The following MYO7B variants were observed in gnomAD, a reference collection of about 807,000 sequenced individuals.
The protein encoded by MYO7B is myosin VIIB.
In MYO7B, 212 loss-of-function variants were observed where a neutral mutation model predicts 259.7. That is an observed-to-expected ratio of 0.82 (90% CI 0.73 to 0.91). MYO7B has a LOEUF of 0.91. Ranked by LOEUF, MYO7B falls within the 40% of genes least tolerant of loss-of-function variation. The pLI, the probability that MYO7B is intolerant of heterozygous loss-of-function variation, is 0.00. For synonymous variants in MYO7B, 1,197 were observed against 1,166.4 expected, an observed-to-expected ratio of 1.03 and a Z score of -0.54; for missense variants, 2,732 against 2,813.5, an observed-to-expected ratio of 0.97 and a Z score of 0.66.
chr2:127,620,787 G>A (rs1356892206), intron 27 of MYO7B, among the ~76,000 whole-genome samples: 5 of 152,250 alleles, frequency 3.3e-5, no homozygotes, highest in African/African-American at 1.2e-4. Flanking sequence ...GTGTCCAGGA[G>A]TGGGCCCTGC....
Position 127,586,518 on chromosome 2 carries a change from G to A in MYO7B, c.1690+1605G>A, listed in dbSNP as rs562241343. Among the ~76,000 whole-genome samples the A allele has an allele frequency of 1.3e-4, 20 of 152,268 alleles. No individual in the cohort carries two copies. Among genetic ancestry groups the A allele is most frequent in the African/African-American group, 2.2e-4 (9 of 41,552 alleles). ...GCCAAGGGAGAAAGGGAAAGGTGCC[G>A]TGGCTCCTTCATAGTTCCTGCCACA... On this transcript the variant is annotated intron_variant, in intron 14 of 47. Transcript: ENST00000409816. This position sits in a 1 kb window ranked among gnomAD's most constrained non-coding sequence, Gnocchi z 4.8.
chr2:127,551,927 G>T (rs980969783), intron 1 of MYO7B, among the ~76,000 whole-genome samples: 8 of 152,186 alleles, frequency 5.3e-5, no homozygotes, highest in South Asian at 2.1e-4. Flanking sequence ...CCTAGAGGAG[G>T]TGCAGGCCAT....
At position 127,627,740 on chromosome 2, in the gene MYO7B, G is replaced by A. The variant is rs200563332; in HGVS notation, c.4460+430G>A. On this transcript the variant is annotated intron_variant, in intron 33 of 47. Coordinates refer to ENST00000409816, the MANE Select transcript of MYO7B (RefSeq NM_001393586.1). This position sits in a 1 kb window ranked among gnomAD's most constrained non-coding sequence, Gnocchi z 5.6. The stretch of plus-strand genomic sequence containing the variant: ...GCAGGGCTGGGGGTCCTCTTAGGCT[G>A]GGGCTGACCCCCACTCCCATGGGTC... The A allele has an allele frequency of 9.7e-4, 447 of 459,168 alleles. No individual in the cohort carries two copies. Among genetic ancestry groups the A allele is most frequent in the Non-Finnish European group, 1.5e-3 (347 of 228,798 alleles). The allele number at this position is 459,168 out of a possible 1,614,324, so 28.4% of individuals were successfully genotyped here.
At position 127,627,127 on chromosome 2, in the gene MYO7B, T is replaced by C; in HGVS notation, c.4333+35T>C. On this transcript the variant is annotated intron_variant, in intron 32 of 47. Coordinates refer to ENST00000409816, the MANE Select transcript of MYO7B (RefSeq NM_001393586.1). The surrounding 1 kb of genome is among the most constrained non-coding windows in gnomAD (Gnocchi z 5.6). Reference sequence around the variant, plus strand: ...TCTGACAGGGGGCAGGGAGCAGGTATGGGCTGGGCACCCAGGGGTCCCATG... The same window carrying C: ...TCTGACAGGGGGCAGGGAGCAGGTACGGGCTGGGCACCCAGGGGTCCCATG... 6.2e-7 allele frequency: 1 copy of C among 1,605,212 alleles called. No individual in the cohort carries two copies.
intron 38 of MYO7B, 77 bp downstream of exon 38, chr2:127,631,830 G>GAGAGGAC (rs1681529374): frequency 6.5e-7 from 1 of 1,542,492 alleles, no homozygotes; most frequent in Non-Finnish European, 8.8e-7. Flanking sequence ...CCGAGGCTCA[G>GAGAGGAC]AGAGGACACC....
chr2:127,550,014 T>G (rs568311179), intron 1 of MYO7B, among the ~76,000 whole-genome samples: 24 of 152,364 alleles, frequency 1.6e-4, no homozygotes, highest in African/African-American at 5.5e-4. Flanking sequence ...CCATAGCTCC[T>G]GGTACTTTTG....
chr2:127,602,425 A>G (rs1488468036), intron 19 of MYO7B, among the ~76,000 whole-genome samples: 1 of 152,146 alleles, frequency 6.6e-6, no homozygotes, highest in Non-Finnish European at 1.5e-5. Context: ...AGGCAGGAGG[A>G]TCACTTGAGG....
At position 127,577,554 on chromosome 2, in the gene MYO7B, C is replaced by G. The variant is rs146159760; in HGVS notation, c.850-579C>G. On this transcript the variant is annotated intron_variant, in intron 8 of 47. Transcript: ENST00000409816. The surrounding 1 kb of genome is among the most constrained non-coding windows in gnomAD (Gnocchi z 5.2). ...TTCTCAACACCCACCCCAGCCTCCC[C>G]GCAGCCCTGTCCCTGCCTCCCCACC... is the stretch of plus-strand genomic sequence containing the variant. 6.6e-6 allele frequency among the ~76,000 whole-genome samples: 1 copy of G among 152,170 alleles called. No homozygotes were observed. The highest frequency in any genetic ancestry group is 2.1e-4 in the South Asian group (1 of 4,836).
Position 127,632,262 on chromosome 2 carries a change from G to C in MYO7B, c.5266G>C (p.Gly1756Arg). The C allele has an allele frequency of 6.2e-7, 1 of 1,611,986 alleles. No individual in the cohort carries two copies. Among genetic ancestry groups the C allele is most frequent in the South Asian group, 1.1e-5 (1 of 91,036 alleles). ...HNSNRHSEERGWQLLWLCTGL... is the reference protein window; with the variant it reads ...HNSNRHSEERRWQLLWLCTGL... ...ACCCTTCAGGCACAGCGAAGAGCGGGGCTGGCAGCTGCTGTGGCTGTGCAC... is the reference window on the plus strand; with the variant it reads ...ACCCTTCAGGCACAGCGAAGAGCGGCGCTGGCAGCTGCTGTGGCTGTGCAC... Residue 1756 changes from glycine (G) to arginine (R), a missense_variant, in exon 39 of 48, where the codon GGC becomes CGC. Physicochemically the swap from Gly to Arg is moderately radical, Grantham distance 125. This residue lies in a region of MYO7B where 821 missense variants were observed against 769.3 expected (regional missense o/e 1.07). Transcript: ENST00000409816.
intron 9 of MYO7B, among the ~76,000 whole-genome samples, chr2:127,579,200 T>C (rs1203074458): frequency 6.6e-6 from 1 of 151,958 alleles, no homozygotes; most frequent in Non-Finnish European, 1.5e-5. Context: ...CACCTTTCAT[T>C]GGAGTCCTAA....
intron 3 of MYO7B, among the ~76,000 whole-genome samples, 169 bp from the exon 4 acceptor site, chr2:127,565,064 T>G (rs1678272248): frequency 6.6e-6 from 1 of 152,238 alleles, no homozygotes; most frequent in Non-Finnish European, 1.5e-5. Flanking sequence ...AGGAGTCTCT[T>G]GACCCTTGTC....
chr2:127,582,068 T>C (rs1162129953), intron 11 of MYO7B, 58 bp downstream of exon 11: 28 of 1,608,834 alleles, frequency 1.7e-5, no homozygotes, highest in Non-Finnish European at 2.3e-5. Context: ...GCTCTGCTTC[T>C]TGCTGTGCCG....
intron 1 of MYO7B, among the ~76,000 whole-genome samples, chr2:127,538,674 T>A (rs990011913): frequency 3.9e-5 from 6 of 152,078 alleles, no homozygotes; most frequent in African/African-American, 1.4e-4. Flanking sequence ...CAAGCAATTC[T>A]TCCCCCTCAG....
Position 127,609,855 on chromosome 2 carries a change from C to G in MYO7B, c.3031C>G (p.Leu1011Val), listed in dbSNP as rs190248791. The G allele has an allele frequency of 1.9e-6, 3 of 1,613,472 alleles. No individual in the cohort carries two copies. Among genetic ancestry groups the G allele is most frequent in the Non-Finnish European group, 2.5e-6 (3 of 1,179,626 alleles). Residue 1011 changes from leucine to valine, a missense_variant, in exon 24 of 48, where the codon CTG (leucine) becomes GTG (valine). This residue lies in a region of MYO7B where 1,906 missense variants were observed against 2,026.4 expected (regional missense o/e 0.94). Coordinates refer to ENST00000409816, the MANE Select transcript of MYO7B (RefSeq NM_001393586.1). The surrounding 1 kb of genome is among the most constrained non-coding windows in gnomAD (Gnocchi z 6.9). ...TTCTGTCTTGTTTCCCCAGGCCGCC[C>G]TGGTCATATGGAACGTCATCCTGAG... ...HEDDTDCLAA[L>V]VIWNVILRFM...
Position 127,631,587 on chromosome 2 carries a change from T to G in MYO7B, c.5096-13T>G. On this transcript the variant is annotated splice_polypyrimidine_tract_variant and intron_variant, in intron 37 of 47. Coordinates refer to ENST00000409816, the MANE Select transcript of MYO7B (RefSeq NM_001393586.1). ...TGGGGCTGCCCCAGCACTGTGCTCC[T>G]TGACAGCCACACCCATCCTCCGGTA... is the stretch of plus-strand genomic sequence containing the variant. 2 of 1,612,496 alleles carry G rather than the reference T, an allele frequency of 1.2e-6. No homozygotes were observed. Among genetic ancestry groups the G allele is most frequent in the Non-Finnish European group, 1.7e-6 (2 of 1,179,540 alleles).
intron 41 of MYO7B, 64 bp downstream of exon 41, chr2:127,634,353 G>A: frequency 8.1e-7 from 1 of 1,240,050 alleles, no homozygotes; most frequent in Non-Finnish European, 1.1e-6. Context: ...CCTAGGTGCT[G>A]CCTGTGGGGG....
intron 4 of MYO7B, among the ~76,000 whole-genome samples, chr2:127,565,732 C>T (rs910231788): frequency 3.3e-5 from 5 of 152,188 alleles, no homozygotes; most frequent in African/African-American, 1.2e-4. Context: ...CCTGGCCTCC[C>T]AAGAGTGAGG....
Position 127,621,266 on chromosome 2 carries a change from T to G in MYO7B, c.3526-716T>G, listed in dbSNP as rs1258539206. Among the ~76,000 whole-genome samples, 14 of 122,808 alleles carry G rather than the reference T, an allele frequency of 1.1e-4. No individual in the cohort carries two copies. The East Asian group carries it at 1.9e-3, about 17-fold the overall frequency. The allele number at this position is 122,808 out of a possible 152,430, so 80.6% of individuals were successfully genotyped here. A position where few individuals can be genotyped will look rare whatever the true frequency, so the allele number is the denominator to read the frequency against. On this transcript the variant is annotated intron_variant, in intron 27 of 47. Coordinates refer to ENST00000409816, the MANE Select transcript of MYO7B (RefSeq NM_001393586.1). Reference sequence around the variant, plus strand: ...GACTCTTCTGCAATTTTTTTTTTTGTTTTTTTTTTTTTTTTGAGACGGAGT... The same window carrying G: ...GACTCTTCTGCAATTTTTTTTTTTGGTTTTTTTTTTTTTTTGAGACGGAGT...
intron 6 of MYO7B, 48 bp downstream of exon 6, chr2:127,569,958 C>G (rs1392442140): frequency 6.3e-7 from 1 of 1,577,100 alleles, no homozygotes; most frequent in Non-Finnish European, 8.6e-7. Context: ...CCCCCTGGAG[C>G]CTTCCTGCCA....
Sources: gnomAD v4.1 joint callset for allele counts (sites outside exome capture counted in the v4.1 genomes callset) on GRCh38, gnomAD v4.1.1 for gene constraint, gnomAD v4.1.1 regional missense constraint, Gnocchi (gnomAD v3.1) non-coding constraint, MANE v1.5 for transcripts, NCBI Gene and HGNC (gene_info 2026-07-23, HGNC 2026-07-21) for gene names.